The following NLGN4X variants were observed in gnomAD, a reference collection of about 807,000 sequenced individuals.
The protein encoded by NLGN4X is neuroligin-4, X-linked.
In NLGN4X, 3 loss-of-function variants were observed where a neutral mutation model predicts 40.3. The ratio of observed to expected loss-of-function variants is 0.07; its 90% CI spans 0.03 to 0.19. The LOEUF is 0.19. Ranked by LOEUF, NLGN4X falls within the 10% of genes least tolerant of loss-of-function variation. The pLI, the probability that NLGN4X is intolerant of heterozygous loss-of-function variation, is 1.00. For missense variants in NLGN4X, 382 were observed against 708.3 expected, an observed-to-expected ratio of 0.54 and a Z score of 5.23; for synonymous variants, 270 against 306.8, an observed-to-expected ratio of 0.88 and a Z score of 1.25.
intron 2 of NLGN4X, among the ~76,000 whole-genome samples, chrX:6,124,015 GATAC>G (rs2039486507): frequency 9.1e-6 from 1 of 109,483 alleles, no homozygotes; most frequent in Admixed American, 9.8e-5. Flanking sequence ...AAAATAAATG[GATAC>G]ATAAACTTGA....
chrX:5,966,066 G>A (rs1172990927), intron 3 of NLGN4X, among the ~76,000 whole-genome samples: 2 of 111,684 alleles, frequency 1.8e-5, no homozygotes, highest in Non-Finnish European at 3.8e-5. Flanking sequence ...CCTTGCAAAT[G>A]GTATTGATCA....
intron 3 of NLGN4X, among the ~76,000 whole-genome samples, chrX:5,920,779 T>A (rs747375433): frequency 1.8e-5 from 2 of 111,231 alleles, no homozygotes; most frequent in South Asian, 7.7e-4. Context: ...TACACACACA[T>A]TCAAGAGTCC....
chrX:5,938,394 T>G (rs1373815514), intron 3 of NLGN4X, among the ~76,000 whole-genome samples: 1 of 109,311 alleles, frequency 9.1e-6, no homozygotes, highest in Non-Finnish European at 1.9e-5. Flanking sequence ...GGGGATGCCT[T>G]CAGTGTTCAG....
chrX:5,997,563 T>TAC (rs1379406905), intron 3 of NLGN4X, among the ~76,000 whole-genome samples: 2 of 41,276 alleles, frequency 4.8e-5, no homozygotes, highest in African/African-American at 2.0e-4. Flanking sequence ...TATATAAAAT[T>TAC]ACATGTGTGT....
chrX:6,065,073 G>A (rs900436091), intron 2 of NLGN4X, among the ~76,000 whole-genome samples: 91 of 110,408 alleles, frequency 8.2e-4, no homozygotes, highest in African/African-American at 1.7e-3. Context: ...GAGGACGCAC[G>A]GGCCCAAAAA....
At chrX:6,013,543 T>C (rs952823789) in intron 3 of NLGN4X, among the ~76,000 whole-genome samples, 3 of 111,374 alleles carry the variant, frequency 2.7e-5, no homozygotes, top group Non-Finnish European at 5.7e-5. Flanking sequence ...AGAGAGGTAG[T>C]ATGAGCTATG....
intron 2 of NLGN4X, among the ~76,000 whole-genome samples, chrX:6,093,137 A>G (rs1362177381): frequency 1.8e-5 from 2 of 112,127 alleles, no homozygotes; most frequent in Admixed American, 1.9e-4. Context: ...TGCCAAAGAC[A>G]ACCTGTGCAT....
At chrX:6,207,296 G>A (rs1924120656) in intron 1 of NLGN4X, among the ~76,000 whole-genome samples, 1 of 112,302 alleles carries the variant, frequency 8.9e-6, no homozygotes, top group Non-Finnish European at 1.9e-5. Context: ...GTATTTGGGA[G>A]CAATTTGCAT....
intron 2 of NLGN4X, among the ~76,000 whole-genome samples, chrX:6,100,512 G>A (rs2038882841): frequency 8.9e-6 from 1 of 112,326 alleles, no homozygotes; most frequent in Non-Finnish European, 1.9e-5. Context: ...CTGAGTGTTG[G>A]AAAATACAAG....
chrX:5,925,879 C>CATATATATATATATATATAT (rs2033268045), intron 3 of NLGN4X, among the ~76,000 whole-genome samples: 4 of 46,800 alleles, frequency 8.5e-5, no homozygotes, highest in Non-Finnish European at 1.6e-4. Flanking sequence ...TATACATACA[C>CATATATATATATATATATAT]ACATATATAT....
intron 3 of NLGN4X, among the ~76,000 whole-genome samples, chrX:6,024,422 A>G (rs2036631602): frequency 1.8e-5 from 2 of 110,888 alleles, no homozygotes; most frequent in Admixed American, 1.9e-4. Context: ...AGACGTTTGA[A>G]CCAGAGCACC....
At chrX:6,068,742 A>G (rs1313909524) in intron 2 of NLGN4X, among the ~76,000 whole-genome samples, 1 of 111,700 alleles carries the variant, frequency 9.0e-6, no homozygotes, top group East Asian at 2.8e-4. Flanking sequence ...GGAAAATTCC[A>G]TTCTGCTGAT....
chrX:6,080,353 G>A (rs935681790), intron 2 of NLGN4X, among the ~76,000 whole-genome samples: 6 of 111,361 alleles, frequency 5.4e-5, no homozygotes, highest in Non-Finnish European at 1.1e-4. Context: ...CCAAAGCAGA[G>A]ATTTTTCATC....
intron 2 of NLGN4X, among the ~76,000 whole-genome samples, chrX:6,148,303 G>T (rs2040094623): frequency 9.0e-6 from 1 of 111,516 alleles, no homozygotes; most frequent in Non-Finnish European, 1.9e-5. Flanking sequence ...GGCTTTGTCA[G>T]ACTGGTCAGA....
chrX:6,043,789 C>T lies in NLGN4X; in HGVS notation c.473-14357G>A, dbSNP rs190501114. On this transcript the variant is annotated intron_variant, in intron 2 of 5. Coordinates refer to ENST00000381095, the MANE Select transcript of NLGN4X (RefSeq NM_181332.3). ...TCCCGCTCTTCAATTTCTGAGTATG[C>T]TGTAATAGAGGCTATAAAGGCAATT... Among the ~76,000 whole-genome samples, 387 of 111,605 alleles carry T rather than the reference C, an allele frequency of 3.5e-3. 1 individual carries two copies. Among genetic ancestry groups the T allele is most frequent in the Admixed American group, 6.3e-3 (66 of 10,465 alleles).
intron 2 of NLGN4X, among the ~76,000 whole-genome samples, chrX:6,063,651 T>C (rs910527536): frequency 8.9e-6 from 1 of 112,153 alleles, no homozygotes. Flanking sequence ...AAAGAATTAA[T>C]AGTGAAAGTC....
At chrX:6,100,996 G>A (rs1431718257) in intron 2 of NLGN4X, among the ~76,000 whole-genome samples, 1 of 110,786 alleles carries the variant, frequency 9.0e-6, no homozygotes, top group Admixed American at 9.7e-5. Flanking sequence ...GGGGAATTGT[G>A]GCAGTCCCAG....
chrX:5,927,800 A>T (rs905459511), intron 3 of NLGN4X, among the ~76,000 whole-genome samples: 6 of 112,368 alleles, frequency 5.3e-5, no homozygotes, highest in African/African-American at 9.7e-5. Context: ...TCGAGCCTAA[A>T]GCTCAGTGTG....
chrX:5,900,949 A>C (rs1200539911), intron 5 of NLGN4X, among the ~76,000 whole-genome samples: 1 of 111,588 alleles, frequency 9.0e-6, no homozygotes, highest in Non-Finnish European at 1.9e-5. Context: ...TTACTTTAAA[A>C]AAAGTATTAA....
Sources: gnomAD v4.1 joint callset for allele counts (sites outside exome capture counted in the v4.1 genomes callset) on GRCh38, gnomAD v4.1.1 for gene constraint, MANE v1.5 for transcripts, NCBI Gene and HGNC (gene_info 2026-07-23, HGNC 2026-07-21) for gene names.